Variants in DLGAP1 observed in about 807,000 individuals in gnomAD.
DLGAP1 encodes disks large-associated protein 1.
DLGAP1 carries 11 observed loss-of-function variants against 90.8 expected under a neutral mutation model. The ratio of observed to expected loss-of-function variants is 0.12; its 90% CI spans 0.08 to 0.20. The LOEUF (loss-of-function observed/expected upper bound fraction) is 0.20, where lower values mean the gene tolerates loss of function less well. Among genes scored for constraint, DLGAP1 ranks in the 10% least tolerant of loss-of-function variants. The probability of loss-of-function intolerance (pLI) is 1.00; values close to 1 mark genes in which losing one functional copy is unlikely to be tolerated. For missense variants in DLGAP1, 1,050 were observed against 1,333.8 expected (o/e 0.79, Z 3.31); for synonymous variants, 558 against 540.7 (o/e 1.03, Z -0.44).
intron 8 of DLGAP1, among the ~76,000 whole-genome samples, chr18:3,574,484 T>C (rs574492754): frequency 6.6e-6 from 1 of 152,356 alleles, no homozygotes; most frequent in Admixed American, 6.5e-5. Flanking sequence ...TTTTAATATT[T>C]TCAAATGGTT....
intron 5 of DLGAP1, among the ~76,000 whole-genome samples, chr18:3,804,987 A>G (rs965508410): frequency 6.6e-6 from 1 of 152,242 alleles, no homozygotes; most frequent in Non-Finnish European, 1.5e-5. Context: ...AAGATTTAAA[A>G]GAATGGAGAC....
At chr18:3,787,732 T>C (rs1331836426) in intron 5 of DLGAP1, among the ~76,000 whole-genome samples, 1 of 152,110 alleles carries the variant, frequency 6.6e-6, no homozygotes, top group Non-Finnish European at 1.5e-5. Flanking sequence ...TCCTTTTGAC[T>C]CTGTTGGTGC....
At chr18:3,989,053 C>T (rs769087526) in intron 3 of DLGAP1, among the ~76,000 whole-genome samples, 1 of 152,184 alleles carries the variant, frequency 6.6e-6, no homozygotes, top group Non-Finnish European at 1.5e-5. Context: ...GCTGCACTTC[C>T]GAGGCAATGG....
chr18:3,943,498 A>G (rs1479507516), intron 3 of DLGAP1, among the ~76,000 whole-genome samples: 1 of 139,814 alleles, frequency 7.2e-6, no homozygotes, highest in Admixed American at 7.6e-5. Context: ...CATCACTGCT[A>G]GGAAATGGTC....
intron 2 of DLGAP1, among the ~76,000 whole-genome samples, chr18:4,099,296 C>CT (rs1222444832): frequency 3.7e-4 from 54 of 144,044 alleles, no homozygotes; most frequent in Admixed American, 6.4e-4. Context: ...ATCTGTCTAT[C>CT]ATCTATCTAT....
intron 3 of DLGAP1, among the ~76,000 whole-genome samples, chr18:3,965,940 C>CAAAAAAAAA (rs544643910): frequency 3.0e-5 from 3 of 100,540 alleles, no homozygotes; most frequent in Admixed American, 1.3e-4. Flanking sequence ...GACTCCATGT[C>CAAAAAAAAA]AAAAAAAAAA....
At chr18:3,575,555 G>C (rs2055071247) in intron 8 of DLGAP1, among the ~76,000 whole-genome samples, 1 of 152,124 alleles carries the variant, frequency 6.6e-6, no homozygotes. Flanking sequence ...GGTCACCTTT[G>C]GGGAGTACAG....
At chr18:3,753,449 G>A (rs1470013553) in intron 5 of DLGAP1, among the ~76,000 whole-genome samples, 2 of 152,176 alleles carry the variant, frequency 1.3e-5, no homozygotes, top group African/African-American at 4.8e-5. Flanking sequence ...CTGATTGGAA[G>A]CTCTGCTCTG....
chr18:4,427,545 T>A (rs1231879889), intron 1 of DLGAP1, among the ~76,000 whole-genome samples: 1 of 152,104 alleles, frequency 6.6e-6, no homozygotes, highest in Non-Finnish European at 1.5e-5. Context: ...AACTAGCAAA[T>A]CTCAGAACCT....
At chr18:4,376,584 G>A (rs1347802302) in intron 1 of DLGAP1, among the ~76,000 whole-genome samples, 2 of 152,112 alleles carry the variant, frequency 1.3e-5, no homozygotes, top group African/African-American at 2.4e-5. Flanking sequence ...GGATATAATA[G>A]TTTTAGACCA....
chr18:4,235,039 C>T (rs2078378409), intron 1 of DLGAP1, among the ~76,000 whole-genome samples: 1 of 152,096 alleles, frequency 6.6e-6, no homozygotes, highest in South Asian at 2.1e-4. Context: ...GTGAAGCTTC[C>T]TGACTTCTGC....
intron 2 of DLGAP1, among the ~76,000 whole-genome samples, chr18:4,081,725 T>C (rs974489179): frequency 6.6e-6 from 1 of 152,190 alleles, no homozygotes; most frequent in African/African-American, 2.4e-5. Flanking sequence ...TCATCAACCA[T>C]TGCCTTCTGT....
chr18:3,906,246 G>A (rs1433180280), intron 3 of DLGAP1, among the ~76,000 whole-genome samples: 2 of 152,196 alleles, frequency 1.3e-5, no homozygotes, highest in Non-Finnish European at 2.9e-5. Context: ...CTAGAAACCA[G>A]AATGTCTTCA....
At chr18:4,355,157 C>T (rs150639650) in intron 1 of DLGAP1, among the ~76,000 whole-genome samples, 5 of 152,276 alleles carry the variant, frequency 3.3e-5, no homozygotes, top group East Asian at 3.9e-4. Context: ...AATTTATGTG[C>T]ACCCAAGAAT....
At chr18:4,158,536 C>A (rs1471323830) in intron 1 of DLGAP1, among the ~76,000 whole-genome samples, 1 of 152,128 alleles carries the variant, frequency 6.6e-6, no homozygotes, top group African/African-American at 2.4e-5. Context: ...ATATAGAGAA[C>A]TTTGGAAATA....
intron 4 of DLGAP1, among the ~76,000 whole-genome samples, chr18:3,840,886 C>T (rs2068676354): frequency 6.6e-6 from 1 of 152,206 alleles, no homozygotes; most frequent in Non-Finnish European, 1.5e-5. Context: ...ATTCACGGAA[C>T]ACCCTGTTGC....
intron 1 of DLGAP1, among the ~76,000 whole-genome samples, chr18:4,187,479 A>G (rs1317513736): frequency 2.0e-5 from 3 of 152,192 alleles, no homozygotes; most frequent in Admixed American, 6.5e-5. Flanking sequence ...CTGAAATATT[A>G]AGAACTAAAA....
intron 2 of DLGAP1, among the ~76,000 whole-genome samples, chr18:4,012,365 T>G (rs7230724): frequency 0.062 from 9,373 of 151,240 alleles, 830 homozygotes; most frequent in African/African-American, 0.2. Flanking sequence ...CCACCTGCCA[T>G]CCCCCCCTCT....
chr18:4,344,506 A>C (rs1022760003), intron 1 of DLGAP1, among the ~76,000 whole-genome samples: 12 of 152,240 alleles, frequency 7.9e-5, no homozygotes, highest in African/African-American at 2.9e-4. Flanking sequence ...ATAGTAGAAG[A>C]GTTTACAGAT....
Sources: allele counts gnomAD v4.1 joint callset (sites outside exome capture counted in the v4.1 genomes callset), GRCh38; gene constraint gnomAD v4.1.1; transcripts MANE v1.5; gene names NCBI Gene and HGNC (gene_info 2026-07-23, HGNC 2026-07-21).